Variants in GPC5 observed in about 807,000 individuals in gnomAD.
GPC5 encodes the protein glypican-5.
GPC5 carries 47 observed loss-of-function variants against 53.9 expected under a neutral mutation model. That is an observed-to-expected ratio of 0.87 (90% CI 0.69 to 1.11). GPC5 has a LOEUF of 1.11. Among genes scored for constraint, GPC5 ranks in the 50% most tolerant of loss-of-function variants. The pLI, the probability that GPC5 is intolerant of heterozygous loss-of-function variation, is 0.00. For synonymous variants in GPC5, 286 were observed against 263.3 expected (o/e 1.09, Z -0.84); for missense variants, 748 against 713.1 (o/e 1.05, Z -0.56).
chr13:92,739,686 T>C lies in GPC5; in HGVS notation c.1562-126596T>C, dbSNP rs143009560. Among the ~76,000 whole-genome samples the C allele has an allele frequency of 1.9e-3, 282 of 151,250 alleles. 1 individual carries two copies. Among genetic ancestry groups the C allele is most frequent in the African/African-American group, 6.7e-3 (278 of 41,214 alleles). On this transcript the variant is annotated intron_variant, in intron 7 of 7. Transcript: ENST00000377067. ...TTTCTCTTCTGCAACATCCCTAGGATTGCTGTTATTACTCCCATCTTAAAA... is the reference window on the plus strand; with the variant it reads ...TTTCTCTTCTGCAACATCCCTAGGACTGCTGTTATTACTCCCATCTTAAAA...
intron 1 of GPC5, among the ~76,000 whole-genome samples, chr13:91,426,186 G>T (rs553000786): frequency 1.3e-5 from 2 of 152,156 alleles, no homozygotes; most frequent in East Asian, 3.9e-4. Context: ...GTAATGAGGA[G>T]CCAAATGTTA....
intron 1 of GPC5, among the ~76,000 whole-genome samples, chr13:91,404,375 T>C (rs1275630462): frequency 6.6e-6 from 1 of 152,240 alleles, no homozygotes; most frequent in Non-Finnish European, 1.5e-5. Context: ...TTGAAACATA[T>C]GTCTGTTGAA....
intron 6 of GPC5, among the ~76,000 whole-genome samples, chr13:92,002,834 G>A (rs1019484842): frequency 3.3e-5 from 5 of 152,168 alleles, no homozygotes; most frequent in African/African-American, 1.2e-4. Flanking sequence ...GATATGAGCT[G>A]AAAACTCTTC....
intron 2 of GPC5, among the ~76,000 whole-genome samples, chr13:91,496,304 T>C (rs538847802): frequency 2.6e-5 from 4 of 152,310 alleles, no homozygotes; most frequent in Non-Finnish European, 5.9e-5. Context: ...GATAAATCAG[T>C]ATATGGAAGA....
chr13:92,505,781 A>T (rs1449014119), intron 7 of GPC5, among the ~76,000 whole-genome samples: 1 of 152,156 alleles, frequency 6.6e-6, no homozygotes, highest in African/African-American at 2.4e-5. Flanking sequence ...AACAATTAAA[A>T]TGTGTGCATT....
At chr13:92,663,619 ATATATATAC>A (rs1252755294) in intron 7 of GPC5, among the ~76,000 whole-genome samples, 1 of 84,044 alleles carries the variant, frequency 1.2e-5, no homozygotes, top group Non-Finnish European at 3.1e-5. Context: ...TATATCTACT[ATATATATAC>A]TATATATACA....
intron 7 of GPC5, among the ~76,000 whole-genome samples, chr13:92,251,061 G>A (rs766861377): frequency 6.6e-6 from 1 of 152,042 alleles, no homozygotes; most frequent in Non-Finnish European, 1.5e-5. Flanking sequence ...TGTTATTCAT[G>A]TACTCCATGC....
intron 2 of GPC5, among the ~76,000 whole-genome samples, chr13:91,676,361 G>A (rs1031645589): frequency 6.6e-5 from 10 of 152,074 alleles, no homozygotes; most frequent in Admixed American, 3.9e-4. Context: ...ACGAGCCACC[G>A]CACCCGGCCA....
chr13:92,605,745 G>A (rs1023248848), intron 7 of GPC5, among the ~76,000 whole-genome samples: 24 of 151,830 alleles, frequency 1.6e-4, no homozygotes, highest in African/African-American at 4.8e-4. Context: ...GCCCGCCACC[G>A]CGCCCGGCTA....
intron 6 of GPC5, among the ~76,000 whole-genome samples, chr13:92,035,690 C>G (rs12869256): frequency 0.44 from 65,482 of 149,918 alleles, 14,703 homozygotes; most frequent in Admixed American, 0.51. Context: ...AAAATTTAAG[C>G]CTTCTTCAAA....
At chr13:92,632,398 A>G (rs1474500534) in intron 7 of GPC5, among the ~76,000 whole-genome samples, 1 of 150,234 alleles carries the variant, frequency 6.7e-6, no homozygotes, top group Non-Finnish European at 1.5e-5. Context: ...ATACGACTGC[A>G]ACGTGCAAGT....
rs548046838 is a variant in GPC5, at chr13:92,681,350, CTCG to C, written c.1562-184931_1562-184929del. On this transcript the variant is annotated intron_variant, in intron 7 of 7. Coordinates refer to ENST00000377067, the MANE Select transcript of GPC5 (RefSeq NM_004466.6). ...TTTTAGATCTTTTTTTCCCTCTGTT[CTCG>C]CCTCTGAGTGCCCCAACCCAATCTC... Among the ~76,000 whole-genome samples, 102 of 151,656 alleles carry C rather than the reference CTCG, an allele frequency of 6.7e-4. No individual in the cohort carries two copies. The Middle Eastern group carries it at 0.024, about 35-fold the overall frequency.
chr13:92,352,259 TAATC>T (rs917689121), intron 7 of GPC5, among the ~76,000 whole-genome samples: 15 of 152,180 alleles, frequency 9.9e-5, no homozygotes, highest in Non-Finnish European at 2.1e-4. Context: ...CACAAAAAAT[TAATC>T]ATTTATGTAA....
At chr13:91,776,769 A>T (rs1010233135) in intron 5 of GPC5, among the ~76,000 whole-genome samples, 1 of 152,212 alleles carries the variant, frequency 6.6e-6, no homozygotes, top group Admixed American at 6.5e-5. Context: ...CAGCACAGTC[A>T]CTGTGTACAC....
intron 2 of GPC5, among the ~76,000 whole-genome samples, chr13:91,501,908 T>C (rs989559327): frequency 2.0e-5 from 3 of 152,236 alleles, no homozygotes; most frequent in African/African-American, 7.2e-5. Flanking sequence ...CCAGCACCTG[T>C]TGTTTCCTGA....
chr13:91,964,268 G>C (rs986579594), intron 6 of GPC5, among the ~76,000 whole-genome samples: 2 of 152,284 alleles, frequency 1.3e-5, no homozygotes, highest in Non-Finnish European at 2.9e-5. Context: ...AAAGAACAAA[G>C]CCTCCAAAGG....
intron 2 of GPC5, among the ~76,000 whole-genome samples, chr13:91,510,085 T>A (rs1594187273): frequency 6.6e-6 from 1 of 152,160 alleles, no homozygotes; most frequent in Non-Finnish European, 1.5e-5. Flanking sequence ...TCATTTTTGT[T>A]TTATCATGTT....
chr13:91,800,861 C>G (rs2038123654), intron 5 of GPC5, among the ~76,000 whole-genome samples: 1 of 151,024 alleles, frequency 6.6e-6, no homozygotes, highest in African/African-American at 2.4e-5. Context: ...CAAAGTTGTT[C>G]TCTCATCTGT....
chr13:92,275,779 A>C (rs9523580), intron 7 of GPC5, among the ~76,000 whole-genome samples: 13,010 of 152,172 alleles, frequency 0.085, 618 homozygotes, highest in Middle Eastern at 0.12. Context: ...GGATAAATAA[A>C]GCCTTTTCAA....
Sources: gnomAD v4.1 joint callset for allele counts (sites outside exome capture counted in the v4.1 genomes callset) on GRCh38, gnomAD v4.1.1 for gene constraint, MANE v1.5 for transcripts, NCBI Gene and HGNC (gene_info 2026-07-23, HGNC 2026-07-21) for gene names.